The following CLYBL variants were observed in gnomAD, a reference collection of about 807,000 sequenced individuals.
The protein encoded by CLYBL is citramalyl-CoA lyase.
Under a neutral mutation model 38.9 loss-of-function variants are expected in CLYBL, and 31 were observed. That is an observed-to-expected ratio of 0.80 (90% CI 0.60 to 1.08). The LOEUF (loss-of-function observed/expected upper bound fraction) is 1.08. CLYBL is among the 50% of genes least tolerant of loss of function. The probability of loss-of-function intolerance (pLI) is 0.00; values close to 1 mark genes in which losing one functional copy is unlikely to be tolerated. For synonymous variants in CLYBL, 171 were observed against 158.6 expected (o/e 1.08, Z -0.59); for missense variants, 434 against 411.6 (o/e 1.05, Z -0.47).
At chr13:99,716,395 C>CT (rs71689410) in intron 1 of CLYBL, among the ~76,000 whole-genome samples, 100 of 135,252 alleles carry the variant, frequency 7.4e-4, no homozygotes, top group East Asian at 4.2e-3. Flanking sequence ...CTTTTCTTTT[C>CT]TTTTTTTTTT....
chr13:99,765,827 G>C (rs1002857896), intron 1 of CLYBL, among the ~76,000 whole-genome samples: 1 of 151,004 alleles, frequency 6.6e-6, no homozygotes, highest in Admixed American at 6.6e-5. Flanking sequence ...TTACAGGCAT[G>C]AGCCACTGCA....
intron 8 of CLYBL, among the ~76,000 whole-genome samples, chr13:99,902,687 A>T (rs2152138164): frequency 6.6e-6 from 1 of 152,338 alleles, no homozygotes; most frequent in East Asian, 1.9e-4. Context: ...TTTCAACAAA[A>T]CGAAGACCTA....
intron 1 of CLYBL, among the ~76,000 whole-genome samples, chr13:99,746,708 CTGTTTTAA>C (rs1021588872): frequency 2.0e-5 from 3 of 152,178 alleles, no homozygotes; most frequent in Admixed American, 1.3e-4. Context: ...CGTGTCCTTT[CTGTTTTAA>C]TTACAATTTA....
chr13:99,653,093 G>C (rs972817330), intron 1 of CLYBL, among the ~76,000 whole-genome samples: 2 of 152,184 alleles, frequency 1.3e-5, no homozygotes, highest in African/African-American at 2.4e-5. Context: ...AATGTATACT[G>C]TTTGTTGGGA....
chr13:99,657,209 C>A (rs140315286), intron 1 of CLYBL, among the ~76,000 whole-genome samples: 11 of 152,304 alleles, frequency 7.2e-5, no homozygotes, highest in African/African-American at 1.9e-4. Context: ...TTTGCAGCCA[C>A]TGCAGAAAAA....
intron 1 of CLYBL, among the ~76,000 whole-genome samples, chr13:99,724,694 G>T (rs1333306626): frequency 2.0e-5 from 3 of 152,000 alleles, no homozygotes; most frequent in East Asian, 3.9e-4. Flanking sequence ...CGAGCAGAAC[G>T]CACCGAGTTA....
chr13:99,845,354 A>C (rs1026071608), intron 2 of CLYBL, among the ~76,000 whole-genome samples: 3 of 152,162 alleles, frequency 2.0e-5, no homozygotes, highest in African/African-American at 7.2e-5. Context: ...CGCCTGGCTC[A>C]ACGGCACGGG....
chr13:99,628,839 G>A (rs2046904449), intron 1 of CLYBL, among the ~76,000 whole-genome samples: 1 of 152,224 alleles, frequency 6.6e-6, no homozygotes. Flanking sequence ...TGGTTATTGT[G>A]ATATTGTTAT....
At chr13:99,794,637 G>A (rs2049986785) in intron 2 of CLYBL, among the ~76,000 whole-genome samples, 1 of 139,494 alleles carries the variant, frequency 7.2e-6, no homozygotes, top group South Asian at 2.3e-4. Context: ...TGTCACCCAG[G>A]CTAGAGTGCA....
intron 2 of CLYBL, among the ~76,000 whole-genome samples, chr13:99,802,546 C>G (rs1201284558): frequency 6.6e-6 from 1 of 152,128 alleles, no homozygotes; most frequent in Non-Finnish European, 1.5e-5. Flanking sequence ...ATTCACAGAC[C>G]TCATTTCTTA....
At chr13:99,756,851 G>A (rs1458533969) in intron 1 of CLYBL, among the ~76,000 whole-genome samples, 3 of 152,164 alleles carry the variant, frequency 2.0e-5, no homozygotes, top group Admixed American at 6.6e-5. Context: ...ATGGACATGC[G>A]CTTCTTTGAT....
At chr13:99,761,268 G>T (rs938461335) in intron 1 of CLYBL, among the ~76,000 whole-genome samples, 3 of 152,206 alleles carry the variant, frequency 2.0e-5, no homozygotes, top group Admixed American at 2.0e-4. Flanking sequence ...CAGGAGAATG[G>T]CGTGAACCGG....
chr13:99,783,360 A>G (rs1040647510), intron 2 of CLYBL, among the ~76,000 whole-genome samples: 11 of 151,236 alleles, frequency 7.3e-5, no homozygotes, highest in Non-Finnish European at 2.9e-5. Context: ...TGAGTTTTTT[A>G]TTTTAATTAT....
intron 1 of CLYBL, among the ~76,000 whole-genome samples, chr13:99,770,317 T>TTTTG (rs932048340): frequency 6.6e-6 from 1 of 151,678 alleles, no homozygotes; most frequent in African/African-American, 2.4e-5. Flanking sequence ...CGAACTCTTT[T>TTTTG]TTTGTTTGTT....
At chr13:99,701,456 C>T (rs892628647) in intron 1 of CLYBL, among the ~76,000 whole-genome samples, 7 of 151,760 alleles carry the variant, frequency 4.6e-5, no homozygotes, top group African/African-American at 9.7e-5. Flanking sequence ...GGACTACAGG[C>T]GCCTGCCACC....
intron 1 of CLYBL, among the ~76,000 whole-genome samples, chr13:99,749,284 T>C (rs568698049): frequency 6.6e-6 from 1 of 152,300 alleles, no homozygotes; most frequent in South Asian, 2.1e-4. Flanking sequence ...GGCAGTACGC[T>C]GCAGTGAGAC....
At chr13:99,774,995 A>T (rs1041428811) in intron 2 of CLYBL, among the ~76,000 whole-genome samples, 1 of 152,184 alleles carries the variant, frequency 6.6e-6, no homozygotes, top group Non-Finnish European at 1.5e-5. Flanking sequence ...AGGGATGACA[A>T]TATCTTCTTT....
chr13:99,736,362 T>A (rs897394315), intron 1 of CLYBL, among the ~76,000 whole-genome samples: 29 of 151,934 alleles, frequency 1.9e-4, no homozygotes, highest in Admixed American at 9.2e-4. Flanking sequence ...TAAGATAAAA[T>A]TTTAAAGTAT....
Position 99,871,053 on chromosome 13 carries a change from A to T in CLYBL, c.918A>T (p.Gln306His), listed in dbSNP as rs755422275. 9 of 1,613,894 alleles carry T rather than the reference A, an allele frequency of 5.6e-6. No individual in the cohort carries two copies. ...ELIAAFKEHQQLGKGAFTFQG... is the reference protein window; with the variant it reads ...ELIAAFKEHQHLGKGAFTFQG... ...TTGCTGCCTTTAAAGAACATCAACA[A>T]TTAGGAAAGGTAAATGTTTTGTTAA... The change falls in exon 7 of 9, where the codon CAA (glutamine) becomes CAT (histidine). Residue 306 changes from glutamine (Q) to histidine (H), a missense_variant. Gln to His is a conservative substitution (Grantham distance 24). Coordinates refer to ENST00000339105, the MANE Select transcript of CLYBL (RefSeq NM_206808.5).
Sources: allele counts gnomAD v4.1 joint callset (sites outside exome capture counted in the v4.1 genomes callset), GRCh38; gene constraint gnomAD v4.1.1; transcripts MANE v1.5; gene names NCBI Gene and HGNC (gene_info 2026-07-23, HGNC 2026-07-21).